Variants in CNOT6 observed in about 807,000 individuals in gnomAD.
CNOT6 encodes the protein carbon catabolite repression 4 protein.
Under a neutral mutation model 61.2 loss-of-function variants are expected in CNOT6, and 12 were observed. That is an observed-to-expected ratio of 0.20 (90% CI 0.13 to 0.32). The LOEUF (loss-of-function observed/expected upper bound fraction) is 0.32, where lower values mean the gene tolerates loss of function less well. Ranked by LOEUF, CNOT6 falls within the 10% of genes least tolerant of loss-of-function variation. The pLI is 1.00. For synonymous variants in CNOT6, 225 were observed against 240.6 expected (o/e 0.94, Z 0.60); for missense variants, 405 against 663.9 (o/e 0.61, Z 4.28).
rs112872512 is a variant in CNOT6 at position 180,566,123 on chromosome 5, C to T, written c.717+146C>T. 1,809 of 750,430 alleles carry T rather than the reference C, an allele frequency of 2.4e-3. 22 individuals carry two copies. The African/African-American group carries it at 0.027, about 11-fold the overall frequency. 46.5% of individuals were successfully genotyped at this position (750,430 alleles called of 1,614,324 possible). A position where few individuals can be genotyped will look rare whatever the true frequency, so the allele number is the denominator to read the frequency against. ...TTATTAGTGAATCCTGGGAGTACTGCCTGCTTTGCTTTGCAGTGCTATGTT... is the reference window on the plus strand; with the variant it reads ...TTATTAGTGAATCCTGGGAGTACTGTCTGCTTTGCTTTGCAGTGCTATGTT... On this transcript the variant is annotated intron_variant, in intron 7 of 11. Transcript: ENST00000261951.
At chr5:180,569,837 TTTTA>T (rs1223642105) in intron 10 of CNOT6, among the ~76,000 whole-genome samples, 9 of 152,236 alleles carry the variant, frequency 5.9e-5, no homozygotes, top group Non-Finnish European at 1.3e-4. Flanking sequence ...GGATCTTGAT[TTTTA>T]TTAAAATGTA....
At position 180,575,895 on chromosome 5, in the gene CNOT6, T is replaced by G. The variant is rs1760982022; in HGVS notation, c.*1695T>G. Reference sequence around the variant, plus strand: ...TCATTTTGGAAATGATTCTTATGTTTTTTTTTTTTCTCCTTTTAGAAAATT... The same window carrying G: ...TCATTTTGGAAATGATTCTTATGTTGTTTTTTTTTCTCCTTTTAGAAAATT... On this transcript the variant is annotated 3_prime_UTR_variant, in exon 12 of 12. Coordinates refer to ENST00000261951, the MANE Select transcript of CNOT6 (RefSeq NM_001370472.1). 1 of 152,392 alleles carries G rather than the reference T, an allele frequency of 6.6e-6. No homozygotes were observed. Among genetic ancestry groups the G allele is most frequent in the South Asian group, 2.1e-4 (1 of 4,824 alleles). The allele number at this position is 152,392 out of a possible 1,614,324, so 9.4% of individuals were successfully genotyped here. A position where few individuals can be genotyped will look rare whatever the true frequency, so the allele number is the denominator to read the frequency against.
At position 180,532,388 on chromosome 5, in the gene CNOT6, C is replaced by T. The variant is rs549944147; in HGVS notation, c.112+3000C>T. Among the ~76,000 whole-genome samples, 7 of 152,280 alleles carry T rather than the reference C, an allele frequency of 4.6e-5. No homozygotes were observed. The East Asian group carries it at 1.2e-3, about 25-fold the overall frequency. ...GAGGCTGAGGAGATTCTCCTCCACC[C>T]TCTCCTCCTTCCACCACATGCTGTG... On this transcript the variant is annotated intron_variant, in intron 2 of 11. Transcript: ENST00000261951.
At chr5:180,560,489 G>C (rs1760109095) in intron 4 of CNOT6, among the ~76,000 whole-genome samples, 1 of 151,986 alleles carries the variant, frequency 6.6e-6, no homozygotes, top group Non-Finnish European at 1.5e-5. Context: ...GTTTTCACTG[G>C]ATATAAGAAT....
intron 1 of CNOT6, among the ~76,000 whole-genome samples, chr5:180,505,738 C>T (rs1390208946): frequency 2.6e-5 from 4 of 151,832 alleles, no homozygotes; most frequent in African/African-American, 9.7e-5. Context: ...TTAGTAGAGA[C>T]GGGGTTTCAC....
chr5:180,508,554 C>G (rs1357885785), intron 1 of CNOT6, among the ~76,000 whole-genome samples: 6 of 152,142 alleles, frequency 3.9e-5, no homozygotes, highest in Non-Finnish European at 1.5e-5. Context: ...TTGTAATCCA[C>G]CTGCCTCAGC....
Position 180,494,482 on chromosome 5 carries a change from GGAGGCGAAGGCAGCGGCGGGCGCA to G in CNOT6, c.-282_-259del, listed in dbSNP as rs1756492578. The G allele has an allele frequency of 6.4e-6, 1 of 155,954 alleles. No individual in the cohort carries two copies. Among genetic ancestry groups the G allele is most frequent in the African/African-American group, 2.4e-5 (1 of 41,142 alleles). 9.7% of individuals were successfully genotyped at this position (155,954 alleles called of 1,614,324 possible). A position where few individuals can be genotyped will look rare whatever the true frequency, so the allele number is the denominator to read the frequency against. ...TCGGTGGCGGCGGCGACGGCGGCGCGGAGGCGAAGGCAGCGGCGGGCGCAGCGAGGAGGGCGAGGCCGGGGGCCG... is the reference window on the plus strand; with the variant it reads ...TCGGTGGCGGCGGCGACGGCGGCGCGGCGAGGAGGGCGAGGCCGGGGGCCG... On this transcript the variant is annotated 5_prime_UTR_variant, in exon 1 of 12. Coordinates refer to ENST00000261951, the MANE Select transcript of CNOT6 (RefSeq NM_001370472.1).
At chr5:180,537,801 TC>T (rs1758774150) in intron 2 of CNOT6, among the ~76,000 whole-genome samples, 1 of 68,188 alleles carries the variant, frequency 1.5e-5, no homozygotes, top group African/African-American at 4.6e-5. Context: ...CCTCTTTCTC[TC>T]TCTTTTTTTT....
chr5:180,517,177 G>A lies in CNOT6; in HGVS notation c.-2-12098G>A, dbSNP rs146505345. On this transcript the variant is annotated intron_variant, in intron 1 of 11. Transcript: ENST00000261951. ...TTTTTCTAAGGGTTTCACTCCTTTC[G>A]CTCAGGCTGGAGCGCAATGGCGTGA... Among the ~76,000 whole-genome samples the A allele has an allele frequency of 2.6e-5, 4 of 152,104 alleles. No individual in the cohort carries two copies. In the East Asian group the frequency reaches 7.7e-4, roughly 29 times the overall value.
In CNOT6 at chr5:180,565,997, G is replaced by T; in HGVS notation, c.717+20G>T. On this transcript the variant is annotated intron_variant, in intron 7 of 11. Coordinates refer to ENST00000261951, the MANE Select transcript of CNOT6 (RefSeq NM_001370472.1). ...CTTCAGGTAAGTCAGACAGAAGACA[G>T]TCAACCTAGCATTGATAAAGGAAGG... 2 of 1,605,270 alleles carry T rather than the reference G, an allele frequency of 1.2e-6. No homozygotes were observed. Among genetic ancestry groups the T allele is most frequent in the Non-Finnish European group, 1.7e-6 (2 of 1,174,726 alleles).
chr5:180,507,518 C>T (rs1171972369), intron 1 of CNOT6, among the ~76,000 whole-genome samples: 1 of 152,186 alleles, frequency 6.6e-6, no homozygotes, highest in Non-Finnish European at 1.5e-5. Context: ...AGGAGAATCA[C>T]TTGAACTCGG....
chr5:180,554,417 TAAA>T (rs33948602), intron 4 of CNOT6, among the ~76,000 whole-genome samples: 32 of 141,064 alleles, frequency 2.3e-4, no homozygotes, highest in Non-Finnish European at 2.6e-4. Context: ...GACTCTGTCT[TAAA>T]AAAAAAAAAA....
chr5:180,574,020 T>A lies in CNOT6; in HGVS notation c.1494T>A (p.Pro498=). The change falls in exon 12 of 12, where the codon CCT becomes CCA. Residue 498 remains proline (P), a synonymous_variant. Coordinates refer to ENST00000261951, the MANE Select transcript of CNOT6 (RefSeq NM_001370472.1). ...GIIDYIFYSK[P]QLNTLGILGP... ...TAGACTACATTTTCTATTCTAAACC[T>A]CAGCTGAACACCTTAGGCATCCTGG... The A allele has an allele frequency of 1.2e-6, 2 of 1,613,946 alleles. No individual in the cohort carries two copies. Among genetic ancestry groups the A allele is most frequent in the Non-Finnish European group, 1.7e-6 (2 of 1,179,838 alleles).
intron 10 of CNOT6, among the ~76,000 whole-genome samples, chr5:180,569,601 T>A (rs1045679512): frequency 3.3e-5 from 5 of 152,210 alleles, no homozygotes; most frequent in African/African-American, 1.2e-4. Context: ...AAAGAACGTA[T>A]GTAGTTCCAT....
chr5:180,559,081 G>C lies in CNOT6; in HGVS notation c.386-5408G>C, dbSNP rs953615335. On this transcript the variant is annotated intron_variant, in intron 4 of 11. Coordinates refer to ENST00000261951, the MANE Select transcript of CNOT6 (RefSeq NM_001370472.1). ...CATATGTTTCTTGGGTACTGGAAAA[G>C]AATGTGTTTTCTGTTTTTGGGTAGA... Among the ~76,000 whole-genome samples the C allele has an allele frequency of 3.9e-5, 6 of 152,360 alleles. No homozygotes were observed. The East Asian group carries it at 1.2e-3, about 29-fold the overall frequency.
At chr5:180,540,216 C>G (rs1758963819) in intron 2 of CNOT6, among the ~76,000 whole-genome samples, 1 of 152,208 alleles carries the variant, frequency 6.6e-6, no homozygotes, top group Non-Finnish European at 1.5e-5. Context: ...ACTCACTTGT[C>G]ACTCATTGGG....
chr5:180,535,313 C>T (rs780606083), intron 2 of CNOT6, among the ~76,000 whole-genome samples: 61 of 152,264 alleles, frequency 4.0e-4, no homozygotes, highest in Non-Finnish European at 7.8e-4. Flanking sequence ...TCACCTTTTT[C>T]GCCCTCCCGT....
At chr5:180,509,816 T>G (rs1219370838) in intron 1 of CNOT6, among the ~76,000 whole-genome samples, 1 of 150,130 alleles carries the variant, frequency 6.7e-6, no homozygotes, top group Non-Finnish European at 1.5e-5. Context: ...AAGACCTTTT[T>G]GATACCTTGG....
At chr5:180,553,745 A>G (rs1223999924) in intron 4 of CNOT6, among the ~76,000 whole-genome samples, 7 of 152,064 alleles carry the variant, frequency 4.6e-5, no homozygotes, top group Non-Finnish European at 7.4e-5. Context: ...CCCTGAGGCT[A>G]TGCTTTATTT....
Sources: gnomAD v4.1 joint callset for allele counts (sites outside exome capture counted in the v4.1 genomes callset) on GRCh38, gnomAD v4.1.1 for gene constraint, MANE v1.5 for transcripts, NCBI Gene and HGNC (gene_info 2026-07-23, HGNC 2026-07-21) for gene names.